KIRREL3: variants seen among roughly 807,000 people sequenced by gnomAD.
KIRREL3 encodes kirre like nephrin family adhesion molecule 3.
Under a neutral mutation model 89.7 loss-of-function variants are expected in KIRREL3, and 36 were observed. That is an observed-to-expected ratio of 0.40 (90% CI 0.31 to 0.53). The LOEUF (loss-of-function observed/expected upper bound fraction) is 0.53. KIRREL3 is among the 20% of genes least tolerant of loss of function. The probability of loss-of-function intolerance (pLI) is 0.49; values close to 1 mark genes in which losing one functional copy is unlikely to be tolerated. For synonymous variants in KIRREL3, 445 were observed against 441.4 expected (o/e 1.01, Z -0.10); for missense variants, 864 against 1,056.6 (o/e 0.82, Z 2.53).
intron 1 of KIRREL3, among the ~76,000 whole-genome samples, chr11:126,737,165 G>A (rs900857473): frequency 6.6e-6 from 1 of 152,208 alleles, no homozygotes; most frequent in African/African-American, 2.4e-5. Context: ...CTGATTGGAG[G>A]CCGGCTTGTC....
chr11:126,658,500 T>A (rs1945255699), intron 1 of KIRREL3, among the ~76,000 whole-genome samples: 10 of 152,238 alleles, frequency 6.6e-5, no homozygotes, highest in Admixed American at 6.5e-4. Flanking sequence ...AGTGCCCTCA[T>A]TTAGCCTAAT....
intron 1 of KIRREL3, among the ~76,000 whole-genome samples, chr11:126,845,094 C>A (rs1053975801): frequency 6.6e-6 from 1 of 152,186 alleles, no homozygotes; most frequent in African/African-American, 2.4e-5. Context: ...TGGGGCCCAA[C>A]TGGGGGCAAG....
rs143425237 is a variant in KIRREL3, at chr11:126,492,314, C to T, written c.434-18848G>A. Among the ~76,000 whole-genome samples, 2 of 152,120 alleles carry T rather than the reference C, an allele frequency of 1.3e-5. No homozygotes were observed. Among genetic ancestry groups the T allele is most frequent in the African/African-American group, 2.4e-5 (1 of 41,424 alleles). ...TCTTTTTCCCAAGCCTGTTCCCCTA[C>T]CCCCGATGAGGGATGAGGTGGATGT... On this transcript the variant is annotated intron_variant, in intron 4 of 16. Coordinates refer to ENST00000525144, the MANE Select transcript of KIRREL3 (RefSeq NM_032531.4). This position sits in a 1 kb window ranked among gnomAD's most constrained non-coding sequence, Gnocchi z 4.8.
At position 126,918,064 on chromosome 11, in the gene KIRREL3, A is replaced by G. The variant is rs1021653004; in HGVS notation, c.55+82391T>C. On this transcript the variant is annotated intron_variant, in intron 1 of 16. Transcript: ENST00000525144. This position sits in a 1 kb window ranked among gnomAD's most constrained non-coding sequence, Gnocchi z 6.5. ...GAAACTGGTTTTGTGCATTCTCAGA[A>G]ATACGAGATTGGCCCATAATGATAT... 6.6e-6 allele frequency among the ~76,000 whole-genome samples: 1 copy of G among 152,178 alleles called. No individual in the cohort carries two copies. The highest frequency in any genetic ancestry group is 1.5e-5 in the Non-Finnish European group (1 of 68,038).
rs1158019539 is a variant in KIRREL3 at position 126,719,995 on chromosome 11, C to T, written c.56-157083G>A. ...TCTGCCTCTGATTTCAGCTCCTACT[C>T]ATCCCCCTTTGACTCATCTGCTTCA... On this transcript the variant is annotated intron_variant, in intron 1 of 16. Coordinates refer to ENST00000525144, the MANE Select transcript of KIRREL3 (RefSeq NM_032531.4). The surrounding 1 kb of genome is among the most constrained non-coding windows in gnomAD (Gnocchi z 4.7). Among the ~76,000 whole-genome samples the T allele has an allele frequency of 6.6e-6, 1 of 152,212 alleles. No individual in the cohort carries two copies. The highest frequency in any genetic ancestry group is 2.4e-5 in the African/African-American group (1 of 41,464).
chr11:126,487,886 T>C (rs1376950702), intron 4 of KIRREL3, among the ~76,000 whole-genome samples: 2 of 152,360 alleles, frequency 1.3e-5, no homozygotes, highest in Admixed American at 6.5e-5. Flanking sequence ...GCATGAGTCC[T>C]TCTGTCCTGT....
chr11:126,852,147 G>A lies in KIRREL3; in HGVS notation c.55+148308C>T, dbSNP rs982398115. Among the ~76,000 whole-genome samples, 26 of 148,134 alleles carry A rather than the reference G, an allele frequency of 1.8e-4. 1 individual carries two copies. Among genetic ancestry groups the A allele is most frequent in the Admixed American group, 1.6e-3 (23 of 14,612 alleles). ...CGGCTCACTGCAACCTCTGCCTCCC[G>A]GGTTCAAGCGATTCTCCTGCCTCAG... On this transcript the variant is annotated intron_variant, in intron 1 of 16. Transcript: ENST00000525144.
chr11:126,604,542 T>A (rs899658679), intron 1 of KIRREL3, among the ~76,000 whole-genome samples: 1 of 152,206 alleles, frequency 6.6e-6, no homozygotes, highest in Non-Finnish European at 1.5e-5. Context: ...TCGCAGTTAG[T>A]GTTAGTACAG....
At chr11:126,573,915 G>A (rs1469654678) in intron 1 of KIRREL3, among the ~76,000 whole-genome samples, 1 of 152,248 alleles carries the variant, frequency 6.6e-6, no homozygotes, top group East Asian at 1.9e-4. Context: ...GATTGCAGGG[G>A]AAGTTTTGTC....
rs1023426648 is a variant in KIRREL3 at position 126,891,411 on chromosome 11, G to C, written c.55+109044C>G. The stretch of plus-strand genomic sequence containing the variant: ...AAAAAAATCTTCAGCTATTGTAAAG[G>C]GCAAGGAGCTGGAAGGAAAGGCAGA... On this transcript the variant is annotated intron_variant, in intron 1 of 16. Coordinates refer to ENST00000525144, the MANE Select transcript of KIRREL3 (RefSeq NM_032531.4). The surrounding 1 kb of genome is among the most constrained non-coding windows in gnomAD (Gnocchi z 5.1). Among the ~76,000 whole-genome samples the C allele has an allele frequency of 2.0e-5, 3 of 152,162 alleles. No individual in the cohort carries two copies. Among genetic ancestry groups the C allele is most frequent in the Non-Finnish European group, 4.4e-5 (3 of 68,030 alleles).
intron 4 of KIRREL3, among the ~76,000 whole-genome samples, chr11:126,473,775 C>T (rs1956993791): frequency 6.6e-6 from 1 of 152,038 alleles, no homozygotes; most frequent in East Asian, 1.9e-4. Context: ...GTGGCCCAGG[C>T]GATGTCTGTG....
chr11:127,000,393 G>T lies in KIRREL3; in HGVS notation c.55+62C>A. The T allele has an allele frequency of 6.9e-7, 1 of 1,444,066 alleles. No homozygotes were observed. The highest frequency in any genetic ancestry group is 1.3e-5 in the South Asian group (1 of 79,396). The allele number at this position is 1,444,066 out of a possible 1,614,324, so 89.5% of individuals were successfully genotyped here. A position where few individuals can be genotyped will look rare whatever the true frequency, so the allele number is the denominator to read the frequency against. ...AAGCCTGCCCACGTTCCTGCCCACA[G>T]CCTCCCGCGCCCTGACAACCCAGCC... On this transcript the variant is annotated intron_variant, in intron 1 of 16. Coordinates refer to ENST00000525144, the MANE Select transcript of KIRREL3 (RefSeq NM_032531.4). This position sits in a 1 kb window ranked among gnomAD's most constrained non-coding sequence, Gnocchi z 7.1.
intron 1 of KIRREL3, among the ~76,000 whole-genome samples, chr11:126,825,854 A>C (rs1943387865): frequency 6.6e-6 from 1 of 152,214 alleles, no homozygotes; most frequent in African/African-American, 2.4e-5. Flanking sequence ...CCAAGGTCAC[A>C]CAAGGCCGCC....
At chr11:126,671,612 T>C (rs1054863979) in intron 1 of KIRREL3, among the ~76,000 whole-genome samples, 1 of 152,158 alleles carries the variant, frequency 6.6e-6, no homozygotes, top group African/African-American at 2.4e-5. Flanking sequence ...ACTTAAAAAA[T>C]GGGCAAGAGA....
chr11:126,644,044 A>G (rs1375751972), intron 1 of KIRREL3, among the ~76,000 whole-genome samples: 3 of 152,222 alleles, frequency 2.0e-5, no homozygotes, highest in Admixed American at 1.3e-4. Flanking sequence ...AGTCCAGGCC[A>G]TCGTCCAGAA....
At chr11:126,895,323 C>T (rs533511177) in intron 1 of KIRREL3, among the ~76,000 whole-genome samples, 143 of 151,816 alleles carry the variant, frequency 9.4e-4, no homozygotes, top group Admixed American at 4.4e-3. Flanking sequence ...ATTAGCCAGG[C>T]ATGGTGGAGG....
rs1162289855 is a variant in KIRREL3, at chr11:126,463,321, G to C, written c.592-14C>G. ...CCGAAGCAGGGTCTTGGGAGAAAGG[G>C]AAAGGGGAGAGAAAGCTCCATGTCG... On this transcript the variant is annotated splice_polypyrimidine_tract_variant and intron_variant, in intron 5 of 16. Transcript: ENST00000525144. This position sits in a 1 kb window ranked among gnomAD's most constrained non-coding sequence, Gnocchi z 5.9. 6.2e-7 allele frequency: 1 copy of C among 1,608,700 alleles called. No homozygotes were observed. The highest frequency in any genetic ancestry group is 8.5e-7 in the Non-Finnish European group (1 of 1,175,890).
intron 1 of KIRREL3, among the ~76,000 whole-genome samples, chr11:126,884,207 G>A (rs967933840): frequency 6.6e-6 from 1 of 152,212 alleles, no homozygotes; most frequent in African/African-American, 2.4e-5. Flanking sequence ...CAGAAATTCT[G>A]TTCAGTAACA....
At position 126,640,343 on chromosome 11, in the gene KIRREL3, C is replaced by A. The variant is rs1431322633; in HGVS notation, c.56-77431G>T. On this transcript the variant is annotated intron_variant, in intron 1 of 16. Transcript: ENST00000525144. This position sits in a 1 kb window ranked among gnomAD's most constrained non-coding sequence, Gnocchi z 4.9. ...AGACTAACTGAACACAACACACACACAGACGCGCGTGTGCGCGCGCACACA... is the reference window on the plus strand; with the variant it reads ...AGACTAACTGAACACAACACACACAAAGACGCGCGTGTGCGCGCGCACACA... 1.3e-5 allele frequency among the ~76,000 whole-genome samples: 2 copies of A among 152,250 alleles called. No individual in the cohort carries two copies. Among genetic ancestry groups the A allele is most frequent in the South Asian group, 2.1e-4 (1 of 4,822 alleles).
Sources: allele counts gnomAD v4.1 joint callset (sites outside exome capture counted in the v4.1 genomes callset), GRCh38; gene constraint gnomAD v4.1.1; non-coding constraint Gnocchi (gnomAD v3.1); transcripts MANE v1.5; gene names NCBI Gene and HGNC (gene_info 2026-07-23, HGNC 2026-07-21).